The following TERF2 variants were observed in gnomAD, a reference collection of about 807,000 sequenced individuals.
TERF2 encodes telomeric repeat binding factor 2, also known as telomeric repeat-binding factor 2.
TERF2 carries 16 observed loss-of-function variants against 56.1 expected under a neutral mutation model. That is an observed-to-expected ratio of 0.29 (90% CI 0.19 to 0.43). The LOEUF is 0.43. Among genes scored for constraint, TERF2 ranks in the 20% least tolerant of loss-of-function variants. The pLI, the probability that TERF2 is intolerant of heterozygous loss-of-function variation, is 1.00. For missense variants in TERF2, 547 were observed against 712.9 expected (o/e 0.77, Z 2.65); for synonymous variants, 296 against 282.1 (o/e 1.05, Z -0.50).
intron 8 of TERF2, among the ~76,000 whole-genome samples, chr16:69,359,741 C>T (rs2013060796): frequency 6.8e-6 from 1 of 147,056 alleles, no homozygotes; most frequent in Non-Finnish European, 1.5e-5. Context: ...CTGCCTCAGC[C>T]TCCTGAGTAG....
At chr16:69,370,274 A>G (rs1034658267) in intron 5 of TERF2, 25 of 574,948 alleles carry the variant, frequency 4.3e-5, no homozygotes, top group Admixed American at 2.5e-4. Context: ...CAGGTGATCC[A>G]CCCCCCTGGG....
At chr16:69,360,705 CAA>C (rs1204701669) in intron 8 of TERF2, among the ~76,000 whole-genome samples, 10 of 65,404 alleles carry the variant, frequency 1.5e-4, no homozygotes, top group Admixed American at 3.6e-4. Context: ...GACCCTGTCT[CAA>C]AAAAAAAAAA....
intron 3 of TERF2, among the ~76,000 whole-genome samples, chr16:69,380,076 C>A (rs1253583751): frequency 1.3e-5 from 2 of 151,886 alleles, no homozygotes; most frequent in Non-Finnish European, 2.9e-5. Context: ...ACACACCCGG[C>A]TAATTTTTGT....
rs1597246159 is a variant in TERF2, at chr16:69,366,530, T to A, written c.1340+277A>T. The A allele has an allele frequency of 1.7e-5, 7 of 423,538 alleles. No individual in the cohort carries two copies. The South Asian group carries it at 3.3e-4, about 20-fold the overall frequency. 26.2% of individuals were successfully genotyped at this position (423,538 alleles called of 1,614,324 possible). ...GTTTAGAAGTCAAGACACTCAGATG[T>A]TTGCTAAAAATGAAAGCAGCGATGA... On this transcript the variant is annotated intron_variant, in intron 7 of 9. Coordinates refer to ENST00000254942, the MANE Select transcript of TERF2 (RefSeq NM_005652.5).
chr16:69,358,989 T>G (rs2013024686), intron 8 of TERF2, among the ~76,000 whole-genome samples: 2 of 152,206 alleles, frequency 1.3e-5, no homozygotes, highest in African/African-American at 4.8e-5. Context: ...GTAAATATTG[T>G]GTATCTAAAC....
intron 5 of TERF2, 107 bp downstream of exon 5, chr16:69,370,376 C>G: frequency 7.0e-7 from 1 of 1,438,168 alleles, no homozygotes; most frequent in Non-Finnish European, 9.4e-7. Flanking sequence ...CTAGTGCATA[C>G]AATTCAATGT....
chr16:69,373,920 A>G (rs2013670472), intron 3 of TERF2, among the ~76,000 whole-genome samples: 1 of 152,248 alleles, frequency 6.6e-6, no homozygotes. Flanking sequence ...AAGGGGAAGA[A>G]TAGCAAGGAA....
At chr16:69,372,084 C>A (rs1393485095) in intron 4 of TERF2, among the ~76,000 whole-genome samples, 185 bp downstream of exon 4, 4 of 152,160 alleles carry the variant, frequency 2.6e-5, no homozygotes, top group Non-Finnish European at 5.9e-5. Flanking sequence ...CTAATAAAAA[C>A]TAAATTTTGA....
intron 5 of TERF2, 83 bp downstream of exon 5, chr16:69,370,400 C>G (rs1189917196): frequency 2.0e-6 from 3 of 1,531,858 alleles, no homozygotes; most frequent in Non-Finnish European, 1.8e-6. Flanking sequence ...TTTCACACAT[C>G]AACTCTTTTC....
chr16:69,385,295 T>C (rs1351985174), intron 2 of TERF2, 96 bp downstream of exon 2: 3 of 1,060,562 alleles, frequency 2.8e-6, no homozygotes, highest in South Asian at 1.3e-5. Context: ...ATGGAAACTA[T>C]CGCACTTTAA....
chr16:69,368,136 G>GA (rs1274878372), intron 6 of TERF2, among the ~76,000 whole-genome samples: 2 of 152,234 alleles, frequency 1.3e-5, no homozygotes, highest in Non-Finnish European at 2.9e-5. Flanking sequence ...GAGGCAAGGA[G>GA]AGAGAAATGG....
chr16:69,385,972 G>A lies in TERF2; in HGVS notation c.-1C>T, dbSNP rs2014194612. On this transcript the variant is annotated 5_prime_UTR_variant, in exon 1 of 10. Coordinates refer to ENST00000254942, the MANE Select transcript of TERF2 (RefSeq NM_005652.5). ...CCGCCGTCCCGGCTCCCGCGGCCAT[G>A]ATAGAAACAGCGTTCCGAGCCGCCC... The A allele has an allele frequency of 7.4e-7, 1 of 1,344,664 alleles. No homozygotes were observed. The highest frequency in any genetic ancestry group is 1.7e-5 in the South Asian group (1 of 57,602). The allele number at this position is 1,344,664 out of a possible 1,614,324, so 83.3% of individuals were successfully genotyped here. A position where few individuals can be genotyped will look rare whatever the true frequency, so the allele number is the denominator to read the frequency against.
chr16:69,361,252 A>C (rs956437699), intron 8 of TERF2, 152 bp downstream of exon 8: 7 of 640,378 alleles, frequency 1.1e-5, no homozygotes, highest in Non-Finnish European at 1.4e-5. Flanking sequence ...AAAAAAAAAA[A>C]ACTGATTCTT....
chr16:69,356,541 CTG>C lies in TERF2; in HGVS notation c.*355_*356del. On this transcript the variant is annotated 3_prime_UTR_variant, in exon 10 of 10. Coordinates refer to ENST00000254942, the MANE Select transcript of TERF2 (RefSeq NM_005652.5). The stretch of plus-strand genomic sequence containing the variant: ...AGATGCCAGGCGCGGTGGCTCATGC[CTG>C]TAATCCCAGCACTTTGGGAGGCCGA... 3.8e-6 allele frequency: 1 copy of C among 264,984 alleles called. No individual in the cohort carries two copies. Among genetic ancestry groups the C allele is most frequent in the African/African-American group, 2.3e-5 (1 of 44,238 alleles). The allele number at this position is 264,984 out of a possible 1,614,324, so 16.4% of individuals were successfully genotyped here.
At chr16:69,361,325 T>C (rs1381103390) in intron 8 of TERF2, 79 bp downstream of exon 8, 8 of 1,010,714 alleles carry the variant, frequency 7.9e-6, no homozygotes, top group Admixed American at 1.9e-5. Flanking sequence ...AAGCAGCTTC[T>C]GGAATATTAA....
intron 7 of TERF2, 50 bp from the exon 8 acceptor site, chr16:69,361,539 T>C (rs1270895281): frequency 7.7e-7 from 1 of 1,299,568 alleles, no homozygotes; most frequent in Admixed American, 1.7e-5. Context: ...TCACCCTGGA[T>C]TGTCCCAGAT....
intron 3 of TERF2, among the ~76,000 whole-genome samples, chr16:69,374,670 A>G (rs2013705497): frequency 9.2e-6 from 1 of 108,906 alleles, no homozygotes; most frequent in East Asian, 2.8e-4. Context: ...AAAAAAAAAA[A>G]AAAAAAAAAA....
At position 69,367,041 on chromosome 16, in the gene TERF2, T is replaced by C; in HGVS notation, c.1106A>G (p.Lys369Arg). 1 of 1,614,218 alleles carries C rather than the reference T, an allele frequency of 6.2e-7. No homozygotes were observed. Among genetic ancestry groups the C allele is most frequent in the Non-Finnish European group, 8.5e-7 (1 of 1,180,036 alleles). Reference sequence around the variant, plus strand: ...TTCATCTTTTCTGGGTCTCTTGTTTTTGAGGGCTGGTGATGCTGGGAGAGC... The same window carrying C: ...TTCATCTTTTCTGGGTCTCTTGTTTCTGAGGGCTGGTGATGCTGGGAGAGC... The part of the protein sequence containing the change: ...TQALPASPAL[K>R]NKRPRKDENE... The change falls in exon 7 of 10, where the codon AAA becomes AGA. Residue 369 changes from lysine (K) to arginine (R), a missense_variant. Transcript: ENST00000254942.
chr16:69,372,420 A>T (rs2013609914), intron 3 of TERF2, 65 bp from the exon 4 acceptor site: 1 of 1,067,314 alleles, frequency 9.4e-7, no homozygotes, highest in Non-Finnish European at 1.4e-6. Flanking sequence ...AATATCAAAC[A>T]TCAAAATAAC....
Sources: allele counts gnomAD v4.1 joint callset (sites outside exome capture counted in the v4.1 genomes callset), GRCh38; gene constraint gnomAD v4.1.1; transcripts MANE v1.5; gene names NCBI Gene and HGNC (gene_info 2026-07-23, HGNC 2026-07-21).